Variants in SLC35F4 observed in about 807,000 individuals in gnomAD.
The protein encoded by SLC35F4 is chromosome 14 open reading frame 36.
In SLC35F4, 24 loss-of-function variants were observed where a neutral mutation model predicts 44.2. That is an observed-to-expected ratio of 0.54 (90% CI 0.39 to 0.76). The LOEUF (loss-of-function observed/expected upper bound fraction) is 0.76. Among genes scored for constraint, SLC35F4 ranks in the 30% least tolerant of loss-of-function variants. SLC35F4 has a pLI of 0.00. For synonymous variants in SLC35F4, 238 were observed against 223.6 expected (o/e 1.06, Z -0.57); for missense variants, 562 against 586.1 (o/e 0.96, Z 0.42).
At chr14:57,638,696 A>ATACAAGGAAGGCTAC (rs2073107079) in intron 1 of SLC35F4, among the ~76,000 whole-genome samples, 1 of 152,086 alleles carries the variant, frequency 6.6e-6, no homozygotes, top group Admixed American at 6.6e-5. Context: ...AGCCCTTCTG[A>ATACAAGGAAGGCTAC]TACAAGGAAG....
chr14:57,941,218 TCAAA>T (rs1361952898), intron 1 of SLC35F4, among the ~76,000 whole-genome samples: 4 of 152,090 alleles, frequency 2.6e-5, no homozygotes, highest in Admixed American at 6.5e-5. Context: ...AAACAGGAAC[TCAAA>T]CAAATACCTG....
intron 1 of SLC35F4, among the ~76,000 whole-genome samples, chr14:57,779,902 C>T (rs2077576055): frequency 6.6e-6 from 1 of 152,148 alleles, no homozygotes; most frequent in Non-Finnish European, 1.5e-5. Flanking sequence ...ATTAAAAACT[C>T]TCGACAAACT....
In SLC35F4 at chr14:57,744,672, A is replaced by C. The variant is rs372883175; in HGVS notation, c.103+121051T>G. On this transcript the variant is annotated intron_variant, in intron 1 of 7. Coordinates refer to ENST00000556826, the MANE Select transcript of SLC35F4 (RefSeq NM_001306087.2). ...CTGTCCAAGGTAATTTACAGATTCA[A>C]TGCCATCCCCATCAGCTACCTTTCT... Among the ~76,000 whole-genome samples, 3 of 152,324 alleles carry C rather than the reference A, an allele frequency of 2.0e-5. No homozygotes were observed. The East Asian group carries it at 5.8e-4, about 29-fold the overall frequency.
At chr14:57,750,257 A>G (rs1250633884) in intron 1 of SLC35F4, among the ~76,000 whole-genome samples, 1 of 152,108 alleles carries the variant, frequency 6.6e-6, no homozygotes. Flanking sequence ...TTCATTGTGT[A>G]TATATATACC....
intron 1 of SLC35F4, among the ~76,000 whole-genome samples, chr14:57,711,493 G>A (rs941906578): frequency 7.2e-5 from 11 of 152,108 alleles, no homozygotes; most frequent in African/African-American, 2.2e-4. Flanking sequence ...TGGCCATTAT[G>A]AGACCATTTT....
chr14:57,625,997 A>G (rs1809095329), intron 1 of SLC35F4, among the ~76,000 whole-genome samples: 1 of 151,846 alleles, frequency 6.6e-6, no homozygotes, highest in African/African-American at 2.4e-5. Context: ...CAGCCATAAA[A>G]AAGGATGAGT....
intron 1 of SLC35F4, among the ~76,000 whole-genome samples, chr14:57,791,724 T>C (rs1246518998): frequency 6.6e-6 from 1 of 152,122 alleles, no homozygotes; most frequent in Non-Finnish European, 1.5e-5. Flanking sequence ...CAAATGCCCA[T>C]TAAAGATAGA....
intron 1 of SLC35F4, among the ~76,000 whole-genome samples, chr14:57,775,784 G>A (rs1424806281): frequency 6.6e-6 from 1 of 152,202 alleles, no homozygotes; most frequent in Non-Finnish European, 1.5e-5. Flanking sequence ...TTCAGCAAGG[G>A]TTCTTAACTG....
chr14:57,712,406 G>A (rs954170123), intron 1 of SLC35F4, among the ~76,000 whole-genome samples: 3 of 152,140 alleles, frequency 2.0e-5, no homozygotes, highest in South Asian at 2.1e-4. Context: ...GATTAACAGG[G>A]AAATATCCTG....
upstream of SLC35F4, among the ~76,000 whole-genome samples, chr14:57,867,916 C>A (rs954061779): frequency 4.6e-5 from 7 of 152,128 alleles, no homozygotes; most frequent in Non-Finnish European, 8.8e-5. Flanking sequence ...TACACACACA[C>A]ATATGCAGAC....
At chr14:57,869,459 T>A (rs1003470196), upstream of SLC35F4, among the ~76,000 whole-genome samples, 1 of 152,218 alleles carries the variant, frequency 6.6e-6, no homozygotes, top group Non-Finnish European at 1.5e-5. Context: ...TCAGAAAATC[T>A]GGGCTTTAGT....
chr14:57,586,816 A>G (rs35875553), intron 3 of SLC35F4, among the ~76,000 whole-genome samples: 37,810 of 150,700 alleles, frequency 0.25, 5,566 homozygotes, highest in Middle Eastern at 0.34. Context: ...ATCTAATAAA[A>G]CCAAGGAGCT....
At chr14:57,936,170 GC>G (rs1432165775) in intron 1 of SLC35F4, among the ~76,000 whole-genome samples, 3 of 152,120 alleles carry the variant, frequency 2.0e-5, no homozygotes, top group Non-Finnish European at 4.4e-5. Flanking sequence ...AATTTCACAT[GC>G]AAAAAGATGG....
At chr14:57,790,079 T>C (rs1207733688) in intron 1 of SLC35F4, among the ~76,000 whole-genome samples, 2 of 152,138 alleles carry the variant, frequency 1.3e-5, no homozygotes, top group African/African-American at 2.4e-5. Context: ...CTTTGAAAAG[T>C]GGCATAAGAC....
chr14:57,734,364 A>G lies in SLC35F4; in HGVS notation c.103+131359T>C, dbSNP rs1395500661. On this transcript the variant is annotated intron_variant, in intron 1 of 7. Coordinates refer to ENST00000556826, the MANE Select transcript of SLC35F4 (RefSeq NM_001306087.2). Reference sequence around the variant, plus strand: ...TACTTAATAGATATCTCTTTGTTTAATCTCCCTTTCCTCCCAAAATAAGTT... The same window carrying G: ...TACTTAATAGATATCTCTTTGTTTAGTCTCCCTTTCCTCCCAAAATAAGTT... 2.0e-5 allele frequency among the ~76,000 whole-genome samples: 3 copies of G among 152,192 alleles called. No individual in the cohort carries two copies. The East Asian group carries it at 5.8e-4, about 29-fold the overall frequency.
chr14:57,676,806 T>C (rs1208246918), intron 1 of SLC35F4, among the ~76,000 whole-genome samples: 1 of 152,100 alleles, frequency 6.6e-6, no homozygotes, highest in East Asian at 1.9e-4. Context: ...ACTTTTACAC[T>C]GCTGGTGGGA....
At chr14:57,676,228 T>C (rs62004040) in intron 1 of SLC35F4, among the ~76,000 whole-genome samples, 95,894 of 151,966 alleles carry the variant, frequency 0.63, 30,666 homozygotes, top group African/African-American at 0.72. Context: ...GGTACATATA[T>C]ACCATGGAAT....
chr14:57,654,142 C>G (rs998577772), intron 1 of SLC35F4, among the ~76,000 whole-genome samples: 9 of 152,214 alleles, frequency 5.9e-5, no homozygotes, highest in Admixed American at 3.9e-4. Flanking sequence ...TTTCATAGTT[C>G]AAGTATTTCA....
chr14:57,577,969 T>G (rs2068918165), intron 4 of SLC35F4, among the ~76,000 whole-genome samples: 1 of 152,214 alleles, frequency 6.6e-6, no homozygotes, highest in Non-Finnish European at 1.5e-5. Flanking sequence ...CAGATTACCT[T>G]TCCATCTGTA....
Sources: gnomAD v4.1 joint callset for allele counts (sites outside exome capture counted in the v4.1 genomes callset) on GRCh38, gnomAD v4.1.1 for gene constraint, MANE v1.5 for transcripts, NCBI Gene and HGNC (gene_info 2026-07-23, HGNC 2026-07-21) for gene names.